Variants in USP1 observed in about 807,000 individuals in gnomAD.
USP1 encodes the protein ubiquitin specific peptidase 1.
Under a neutral mutation model 72.2 loss-of-function variants are expected in USP1, and 18 were observed. That is an observed-to-expected ratio of 0.25 (90% CI 0.17 to 0.37). The LOEUF (loss-of-function observed/expected upper bound fraction) is 0.37. Ranked by LOEUF, USP1 falls within the 10% of genes least tolerant of loss-of-function variation. The probability of loss-of-function intolerance (pLI) is 1.00; values close to 1 mark genes in which losing one functional copy is unlikely to be tolerated. For missense variants in USP1, 759 were observed against 884.9 expected (o/e 0.86, Z 1.81); for synonymous variants, 354 against 303.7 (o/e 1.17, Z -1.72).
Position 62,439,073 on chromosome 1 carries a change from C to G in USP1, c.-69-726C>G, listed in dbSNP as rs546730891. On this transcript the variant is annotated intron_variant, in intron 1 of 8. Transcript: ENST00000339950. ...AGAAAAGGCATTGGAAGAGAGGACT[C>G]ATCGTCCAGCACTACTTTGATTTTC... Among the ~76,000 whole-genome samples, 4 of 152,218 alleles carry G rather than the reference C, an allele frequency of 2.6e-5. No homozygotes were observed. In the South Asian group the frequency reaches 8.3e-4, roughly 31 times the overall value.
At chr1:62,436,772 A>G (rs1026150541), upstream of USP1, 5 of 220,320 alleles carry the variant, frequency 2.3e-5, no homozygotes, top group Admixed American at 5.8e-5. Context: ...CCAGGCCGCT[A>G]GCACCTCGCG....
rs763664303 is a variant in USP1, at chr1:62,450,541, A to G, written c.1918A>G (p.Asn640Asp). 14 of 1,613,856 alleles carry G rather than the reference A, an allele frequency of 8.7e-6. No homozygotes were observed. The highest frequency in any genetic ancestry group is 3.3e-5 in the Admixed American group (2 of 60,002). Residue 640 changes from asparagine to aspartate, a missense_variant, in exon 9 of 9, where the codon AAT becomes GAT. Asn to Asp is a conservative substitution (Grantham distance 23). This residue lies in a region of USP1 where 159 missense variants were observed against 140.9 expected (regional missense o/e 1.13). Transcript: ENST00000339950. ...EEARGVVENY[N>D]DEEVSIRVGG... is the part of the protein sequence containing the mutation. The stretch of plus-strand genomic sequence containing the variant: ...AGCAAGGGGTGTGGTTGAGAATTAT[A>G]ATGATGAAGAAGTGTCAATTAGAGT...
At position 62,445,281 on chromosome 1, in the gene USP1, C is replaced by G. The variant is rs1397638832; in HGVS notation, c.1101C>G (p.Val367=). ...SLGKITTNQG[V]KGQSKENECD... ...GAAAAATAACAACAAACCAAGGAGT[C>G]AAAGGACAATCTAAAGAAAATGAAT... The change falls in exon 6 of 9, where the codon GTC becomes GTG. Residue 367 remains valine (V), a synonymous_variant. Coordinates refer to ENST00000339950, the MANE Select transcript of USP1 (RefSeq NM_003368.5). 1 of 1,613,536 alleles carries G rather than the reference C, an allele frequency of 6.2e-7. No homozygotes were observed. Among genetic ancestry groups the G allele is most frequent in the Admixed American group, 1.7e-5 (1 of 59,946 alleles).
rs780293646 is a variant in USP1, at chr1:62,450,810, T to G, written c.2187T>G (p.Phe729Leu). Residue 729 changes from phenylalanine to leucine, a missense_variant, in exon 9 of 9, where the codon TTT (phenylalanine) becomes TTG (leucine). Phe to Leu is a conservative substitution (Grantham distance 22). Around this residue, in one of 9 missense-constraint regions of USP1, gnomAD observed 159 missense variants for 140.9 expected, o/e 1.13. Transcript: ENST00000339950. The part of the protein sequence containing the change: ...SDQTGINISG[F>L]ENKISYVVQS... ...AAACAGGCATTAATATTAGTGGATT[T>G]GAGAACAAAATTTCATACGTAGTGC... 42 of 1,613,956 alleles carry G rather than the reference T, an allele frequency of 2.6e-5. No homozygotes were observed. The highest frequency in any genetic ancestry group is 3.6e-5 in the Non-Finnish European group (42 of 1,179,952).
chr1:62,448,695 A>G (rs553675189), intron 8 of USP1, 29 bp downstream of exon 8: 1 of 1,598,108 alleles, frequency 6.3e-7, no homozygotes, highest in East Asian at 2.2e-5. Context: ...AACTATATGA[A>G]GAAAATGAGC....
At chr1:62,446,895 A>C (rs1046167238) in intron 6 of USP1, among the ~76,000 whole-genome samples, 12 of 151,768 alleles carry the variant, frequency 7.9e-5, no homozygotes, top group African/African-American at 2.9e-4. Flanking sequence ...GCTCACTGCA[A>C]CCTCCACCTC....
Position 62,443,257 on chromosome 1 carries a change from A to C in USP1, c.495A>C (p.Leu165Phe). ...SVEQLQASFL[L>F]NPEKYTDELA... The stretch of plus-strand genomic sequence containing the variant: ...AACAGCTCCAGGCTAGTTTTCTCTT[A>C]AATCCAGAGAAATATACTGATGAAC... Residue 165 changes from leucine to phenylalanine, a missense_variant, in exon 5 of 9, where the codon TTA (leucine) becomes TTC (phenylalanine). Transcript: ENST00000339950. 1 of 1,614,070 alleles carries C rather than the reference A, an allele frequency of 6.2e-7. No homozygotes were observed. The highest frequency in any genetic ancestry group is 8.5e-7 in the Non-Finnish European group (1 of 1,179,992).
In USP1 at chr1:62,447,445, G is replaced by A; in HGVS notation, c.1354G>A (p.Asp452Asn). 4 of 1,614,108 alleles carry A rather than the reference G, an allele frequency of 2.5e-6. No homozygotes were observed. The South Asian group carries it at 3.3e-5, about 13-fold the overall frequency. Residue 452 changes from aspartate to asparagine, a missense_variant, in exon 7 of 9, where the codon GAT becomes AAT. Physicochemically the swap from Asp to Asn is conservative, Grantham distance 23. Around this residue, in one of 9 missense-constraint regions of USP1, gnomAD observed 140 missense variants for 222.8 expected, o/e 0.63. Coordinates refer to ENST00000339950, the MANE Select transcript of USP1 (RefSeq NM_003368.5). ...TGAAAGTTTAACAGAAAGAAGAGAA[G>A]ATTTTCAAGACATCAGTGTGCCAGT... ...ECESLTERRE[D>N]FQDISVPVQE...
At chr1:62,449,893 C>G (rs1369395754) in intron 8 of USP1, among the ~76,000 whole-genome samples, 1 of 150,822 alleles carries the variant, frequency 6.6e-6, no homozygotes, top group Non-Finnish European at 1.5e-5. Context: ...GCCTGGGTGA[C>G]AGACCCTGCC....
At chr1:62,444,274 A>C (rs1456658790) in intron 5 of USP1, among the ~76,000 whole-genome samples, 7 of 145,128 alleles carry the variant, frequency 4.8e-5, no homozygotes, top group Admixed American at 4.2e-4. Context: ...AAAAAAAAAA[A>C]AAAAAAGGCC....
At chr1:62,447,211 T>C (rs1239949572) in intron 6 of USP1, 130 bp from the exon 7 acceptor site, 1 of 874,380 alleles carries the variant, frequency 1.1e-6, no homozygotes, top group Non-Finnish European at 1.7e-6. Context: ...AAGCTAATAA[T>C]GCTAATAAGC....
intron 4 of USP1, among the ~76,000 whole-genome samples, chr1:62,442,521 A>G (rs940330078): frequency 2.0e-5 from 3 of 152,150 alleles, no homozygotes; most frequent in Non-Finnish European, 4.4e-5. Context: ...AACTTTTGTT[A>G]CTTGTATACT....
intron 5 of USP1, among the ~76,000 whole-genome samples, chr1:62,444,203 G>A (rs1052685385): frequency 1.4e-5 from 2 of 145,276 alleles, no homozygotes; most frequent in African/African-American, 5.3e-5. Context: ...CGGTTGCAGT[G>A]AGCCAAGATT....
At chr1:62,440,687 TGAG>T (rs1391461194) in intron 2 of USP1, among the ~76,000 whole-genome samples, 1 of 152,148 alleles carries the variant, frequency 6.6e-6, no homozygotes. Flanking sequence ...AATAACCAGT[TGAG>T]GAGATTTGTG....
chr1:62,448,581 A>G lies in USP1; in HGVS notation c.1537A>G (p.Thr513Ala), dbSNP rs1328745443. Residue 513 changes from threonine to alanine, a missense_variant, in exon 8 of 9, where the codon ACT (threonine) becomes GCT (alanine). By Grantham distance (58) the Thr-to-Ala change is moderately conservative. This residue lies in a region of USP1 where 140 missense variants were observed against 222.8 expected (regional missense o/e 0.63). Coordinates refer to ENST00000339950, the MANE Select transcript of USP1 (RefSeq NM_003368.5). The part of the protein sequence containing the change: ...KYFCENCHHY[T>A]EAERSLLFDK... ...TTTCTGTGAAAACTGCCATCATTAT[A>G]CTGAAGCTGAACGAAGTCTTTTGTT... 6.2e-7 allele frequency: 1 copy of G among 1,613,964 alleles called. No homozygotes were observed. The highest frequency in any genetic ancestry group is 2.2e-5 in the East Asian group (1 of 44,806).
chr1:62,450,807 A>G lies in USP1; in HGVS notation c.2184A>G (p.Gly728=). Residue 728 remains glycine, a synonymous_variant, in exon 9 of 9, where the codon GGA becomes GGG. Coordinates refer to ENST00000339950, the MANE Select transcript of USP1 (RefSeq NM_003368.5). The part of the protein sequence containing the change: ...SSDQTGINIS[G]FENKISYVVQ... ...ACCAAACAGGCATTAATATTAGTGG[A>G]TTTGAGAACAAAATTTCATACGTAG... The G allele has an allele frequency of 6.2e-7, 1 of 1,613,988 alleles. No individual in the cohort carries two copies. Among genetic ancestry groups the G allele is most frequent in the Non-Finnish European group, 8.5e-7 (1 of 1,179,950 alleles).
Position 62,437,092 on chromosome 1 carries a change from C to T in USP1, c.-378C>T, listed in dbSNP as rs967186867. On this transcript the variant is annotated 5_prime_UTR_variant, in exon 1 of 9. Transcript: ENST00000339950. ...CCTCGGTGGCGGAGTGCTAAAGACC[C>T]TAGCGGTTCAGGCGTTCGGCGAGCG... The T allele has an allele frequency of 2.0e-5, 8 of 398,832 alleles. No individual in the cohort carries two copies. The highest frequency in any genetic ancestry group is 1.0e-4 in the African/African-American group (5 of 48,634). The allele number at this position is 398,832 out of a possible 1,614,324, so 24.7% of individuals were successfully genotyped here.
At chr1:62,440,930 T>C (rs969209435) in intron 2 of USP1, among the ~76,000 whole-genome samples, 19 of 152,050 alleles carry the variant, frequency 1.2e-4, no homozygotes, top group Admixed American at 1.2e-3. Context: ...CGAGCAGTCC[T>C]CCCAAGTAGC....
chr1:62,448,888 CCTT>C (rs1645194559), intron 8 of USP1, among the ~76,000 whole-genome samples: 1 of 151,916 alleles, frequency 6.6e-6, no homozygotes, highest in African/African-American at 2.4e-5. Flanking sequence ...GATTTCTTCT[CCTT>C]TTTTTTTTGA....
Sources: gnomAD v4.1 joint callset for allele counts (sites outside exome capture counted in the v4.1 genomes callset) on GRCh38, gnomAD v4.1.1 for gene constraint, gnomAD v4.1.1 regional missense constraint, MANE v1.5 for transcripts, NCBI Gene and HGNC (gene_info 2026-07-23, HGNC 2026-07-21) for gene names.